The following GPC5 variants were observed in gnomAD, a reference collection of about 807,000 sequenced individuals.
The protein encoded by GPC5 is glypican-5.
A neutral mutation model predicts 53.9 loss-of-function variants in GPC5; 47 were observed. That is an observed-to-expected ratio of 0.87 (90% CI 0.69 to 1.11). GPC5 has a LOEUF of 1.11. Among genes scored for constraint, GPC5 ranks in the 50% most tolerant of loss-of-function variants. GPC5 has a pLI of 0.00. For missense variants in GPC5, 748 were observed against 713.1 expected (o/e 1.05, Z -0.56); for synonymous variants, 286 against 263.3 (o/e 1.09, Z -0.84).
chr13:92,170,413 T>G (rs1400274063), intron 7 of GPC5, among the ~76,000 whole-genome samples: 1 of 144,022 alleles, frequency 6.9e-6, no homozygotes, highest in Non-Finnish European at 1.5e-5. Context: ...TTTTTGTCTT[T>G]TCTTTGCTTT....
chr13:92,140,420 G>C (rs1200521215), intron 6 of GPC5, among the ~76,000 whole-genome samples: 2 of 152,118 alleles, frequency 1.3e-5, no homozygotes, highest in Non-Finnish European at 2.9e-5. Flanking sequence ...TGAGGGAAGA[G>C]GGGTAATTTT....
intron 7 of GPC5, among the ~76,000 whole-genome samples, chr13:92,160,034 C>A (rs1032907085): frequency 5.3e-5 from 8 of 152,128 alleles, no homozygotes; most frequent in African/African-American, 1.9e-4. Flanking sequence ...TCCAGAGTAG[C>A]TGAGATTATA....
intron 4 of GPC5, among the ~76,000 whole-genome samples, chr13:91,749,220 C>T (rs1487130388): frequency 1.3e-5 from 2 of 152,080 alleles, no homozygotes; most frequent in African/African-American, 4.8e-5. Context: ...TATTATTCCA[C>T]TCTCTAAGTC....
rs374831774 is a variant in GPC5, at chr13:92,834,313, TA to T, written c.1562-31963del. The stretch of plus-strand genomic sequence containing the variant: ...CTTTGCATATTTTACTCCAACCTGT[TA>T]AAAAATGGTAATTTATAAGATTTTA... On this transcript the variant is annotated intron_variant, in intron 7 of 7. Coordinates refer to ENST00000377067, the MANE Select transcript of GPC5 (RefSeq NM_004466.6). Among the ~76,000 whole-genome samples the T allele has an allele frequency of 2.3e-3, 351 of 152,276 alleles. 2 individuals carry two copies. Among genetic ancestry groups the T allele is most frequent in the African/African-American group, 7.8e-3 (325 of 41,578 alleles).
intron 2 of GPC5, among the ~76,000 whole-genome samples, chr13:91,602,166 T>C (rs2033201685): frequency 6.6e-6 from 1 of 152,262 alleles, no homozygotes; most frequent in Non-Finnish European, 1.5e-5. Flanking sequence ...TTGAAATCTT[T>C]GTGTGTCCAG....
intron 2 of GPC5, among the ~76,000 whole-genome samples, chr13:91,478,809 A>G (rs1364702532): frequency 8.5e-6 from 1 of 117,280 alleles, no homozygotes; most frequent in East Asian, 2.2e-4. Context: ...ATATATATAT[A>G]TATATATATA....
At position 92,186,029 on chromosome 13, in the gene GPC5, G is replaced by A. The variant is rs552511135; in HGVS notation, c.1561+41040G>A. Reference sequence around the variant, plus strand: ...ATGAAATATTAATTTAAAGTTAAATGTAAGTATAAAATCAGATATTATGAA... The same window carrying A: ...ATGAAATATTAATTTAAAGTTAAATATAAGTATAAAATCAGATATTATGAA... On this transcript the variant is annotated intron_variant, in intron 7 of 7. Transcript: ENST00000377067. 2.0e-4 allele frequency among the ~76,000 whole-genome samples: 30 copies of A among 152,222 alleles called. No individual in the cohort carries two copies. In the South Asian group the frequency reaches 5.0e-3, roughly 25 times the overall value.
At chr13:91,868,669 C>T (rs1389205960) in intron 5 of GPC5, among the ~76,000 whole-genome samples, 1 of 152,106 alleles carries the variant, frequency 6.6e-6, no homozygotes, top group Non-Finnish European at 1.5e-5. Context: ...TGTGCCACTG[C>T]ACTCCAGCCT....
chr13:92,280,724 A>T (rs1012580720), intron 7 of GPC5, among the ~76,000 whole-genome samples: 1 of 152,194 alleles, frequency 6.6e-6, no homozygotes, highest in African/African-American at 2.4e-5. Context: ...CTATTTTAAT[A>T]TGACTAGTAT....
chr13:91,721,077 CTTT>C, intron 3 of GPC5, among the ~76,000 whole-genome samples: 1 of 7,356 alleles, frequency 1.4e-4, no homozygotes, highest in Non-Finnish European at 3.8e-4. Context: ...TTCTTTCTTT[CTTT>C]CTTTCTTTCT....
intron 7 of GPC5, among the ~76,000 whole-genome samples, chr13:92,742,095 T>C (rs1446629099): frequency 6.6e-6 from 1 of 151,752 alleles, no homozygotes; most frequent in Non-Finnish European, 1.5e-5. Context: ...TTTGGGTATA[T>C]ACCCAGTAAT....
At chr13:92,119,322 T>A (rs2041626120) in intron 6 of GPC5, among the ~76,000 whole-genome samples, 2 of 149,552 alleles carry the variant, frequency 1.3e-5, no homozygotes, top group South Asian at 4.2e-4. Flanking sequence ...GAGCTAAATA[T>A]CAAAATGAGA....
At chr13:91,940,891 T>C (rs111312375) in intron 6 of GPC5, among the ~76,000 whole-genome samples, 3,221 of 152,136 alleles carry the variant, frequency 0.021, 103 homozygotes, top group African/African-American at 0.073. Flanking sequence ...CTGGATATTA[T>C]ACTTTTGTTG....
intron 2 of GPC5, among the ~76,000 whole-genome samples, chr13:91,469,361 G>GAA (rs1882460757): frequency 6.6e-6 from 1 of 152,020 alleles, no homozygotes; most frequent in African/African-American, 2.4e-5. Flanking sequence ...CACATGCTTT[G>GAA]GCCTTCCAAA....
chr13:92,297,470 G>C (rs1426800844), intron 7 of GPC5, among the ~76,000 whole-genome samples: 2 of 141,760 alleles, frequency 1.4e-5, no homozygotes, highest in Non-Finnish European at 3.1e-5. Flanking sequence ...TACACCAATC[G>C]GCACTCTGTA....
At chr13:91,419,459 A>G (rs1000226942) in intron 1 of GPC5, among the ~76,000 whole-genome samples, 1 of 152,200 alleles carries the variant, frequency 6.6e-6, no homozygotes, top group African/African-American at 2.4e-5. Flanking sequence ...TGGGTTTGCT[A>G]TTAGTTATTA....
chr13:91,624,795 A>G (rs2033955748), intron 2 of GPC5, among the ~76,000 whole-genome samples: 1 of 152,036 alleles, frequency 6.6e-6, no homozygotes, highest in Non-Finnish European at 1.5e-5. Flanking sequence ...ATGCTAAATT[A>G]CTAGCTATTT....
chr13:92,266,566 C>T (rs937603067), intron 7 of GPC5, among the ~76,000 whole-genome samples: 6 of 152,236 alleles, frequency 3.9e-5, no homozygotes, highest in Admixed American at 6.5e-5. Context: ...AGTCTATTTG[C>T]TGTTACGTAC....
chr13:92,773,002 A>G (rs1010694493), intron 7 of GPC5, among the ~76,000 whole-genome samples: 5 of 152,192 alleles, frequency 3.3e-5, no homozygotes, highest in African/African-American at 1.2e-4. Flanking sequence ...AAGTTGGTGC[A>G]TTCAGAACTT....
Sources: allele counts gnomAD v4.1 joint callset (sites outside exome capture counted in the v4.1 genomes callset), GRCh38; gene constraint gnomAD v4.1.1; transcripts MANE v1.5; gene names NCBI Gene and HGNC (gene_info 2026-07-23, HGNC 2026-07-21).